Variants in ITGA3 observed in about 807,000 individuals in gnomAD.
ITGA3 encodes integrin subunit alpha 3.
Under a neutral mutation model 131.1 loss-of-function variants are expected in ITGA3, and 70 were observed. That is an observed-to-expected ratio of 0.53 (90% confidence interval 0.44 to 0.65). The LOEUF (loss-of-function observed/expected upper bound fraction) is 0.65, where lower values mean the gene tolerates loss of function less well. Among genes scored for constraint, ITGA3 ranks in the 30% least tolerant of loss-of-function variants. ITGA3 has a pLI of 0.00. For synonymous variants in ITGA3, 537 were observed against 571.6 expected (o/e 0.94, Z 0.86); for missense variants, 1,098 against 1,388.6 (o/e 0.79, Z 3.33).
chr17:50,064,459 C>T lies in ITGA3; in HGVS notation c.335-69C>T. ...GGGCCCAAGCGGGACCCACTCCTGCCCTCTGGAGACTTTGGGCACTGAAGT... is the reference window on the plus strand; with the variant it reads ...GGGCCCAAGCGGGACCCACTCCTGCTCTCTGGAGACTTTGGGCACTGAAGT... On this transcript the variant is annotated intron_variant, in intron 2 of 25. Transcript: ENST00000320031. This position sits in a 1 kb window ranked among gnomAD's most constrained non-coding sequence, Gnocchi z 4.4. 1 of 1,473,480 alleles carries T rather than the reference C, an allele frequency of 6.8e-7. No individual in the cohort carries two copies. The highest frequency in any genetic ancestry group is 1.3e-5 in the South Asian group (1 of 77,530). 91.3% of individuals were successfully genotyped at this position (1,473,480 alleles called of 1,614,324 possible).
rs749222510 is a variant in ITGA3, at chr17:50,064,252, G to A, written c.334+48G>A. The A allele has an allele frequency of 1.7e-5, 27 of 1,571,074 alleles. No individual in the cohort carries two copies. In the East Asian group the frequency reaches 4.4e-4, roughly 26 times the overall value. ...GGGTGCTGGGTCAGAGGTCTGGCAG[G>A]GGGGTACCGCAGAGAGAATGGCCTG... On this transcript the variant is annotated intron_variant, in intron 2 of 25. Transcript: ENST00000320031. The surrounding 1 kb of genome is among the most constrained non-coding windows in gnomAD (Gnocchi z 4.4).
intron 4 of ITGA3, among the ~76,000 whole-genome samples, chr17:50,068,571 G>A (rs1908446885): frequency 6.6e-6 from 1 of 151,916 alleles, no homozygotes; most frequent in Non-Finnish European, 1.5e-5. Flanking sequence ...CACATTCATG[G>A]CTCACTGCAG....
At position 50,081,425 on chromosome 17, in the gene ITGA3, A is replaced by G. The variant is rs914998926; in HGVS notation, c.2919+17A>G. 68 of 1,537,046 alleles carry G rather than the reference A, an allele frequency of 4.4e-5. No individual in the cohort carries two copies. The highest frequency in any genetic ancestry group is 5.8e-5 in the Non-Finnish European group (65 of 1,128,764). ...ACCACGTGGGTGAGTGCGCATGTTC[A>G]CTAGGACAGCAGTCTCCAGCCAGAG... On this transcript the variant is annotated intron_variant, in intron 23 of 25. Coordinates refer to ENST00000320031, the MANE Select transcript of ITGA3 (RefSeq NM_002204.4).
Position 50,079,471 on chromosome 17 carries a change from C to G in ITGA3, c.2620C>G (p.Arg874Gly). Reference protein sequence around the residue: ...GDRPSSPQRRRRQLDPGGGQG... With the variant: ...GDRPSSPQRRGRQLDPGGGQG... ...CAGGCCATCATCCCCACAGCGCAGG[C>G]GGCGACAGCTGGATCCAGGGGGAGG... Residue 874 changes from arginine (R) to glycine (G), a missense_variant, in exon 21 of 26, where the codon CGG (arginine) becomes GGG (glycine). Arg to Gly is a moderately radical substitution (Grantham distance 125). Coordinates refer to ENST00000320031, the MANE Select transcript of ITGA3 (RefSeq NM_002204.4). 1 of 1,577,616 alleles carries G rather than the reference C, an allele frequency of 6.3e-7. No homozygotes were observed. Among genetic ancestry groups the G allele is most frequent in the Non-Finnish European group, 8.6e-7 (1 of 1,163,146 alleles).
intron 23 of ITGA3, among the ~76,000 whole-genome samples, chr17:50,082,432 C>A (rs991177728): frequency 6.6e-6 from 1 of 152,136 alleles, no homozygotes; most frequent in African/African-American, 2.4e-5. Flanking sequence ...CTGCCTCGGC[C>A]TCCCAAAGTG....
chr17:50,085,572 G>C (rs1025916237), intron 23 of ITGA3, among the ~76,000 whole-genome samples: 18 of 151,742 alleles, frequency 1.2e-4, no homozygotes, highest in African/African-American at 3.6e-4. Context: ...GCTGAGGCAG[G>C]AGAATTGCTT....
intron 23 of ITGA3, among the ~76,000 whole-genome samples, chr17:50,081,687 C>T (rs907196598): frequency 3.3e-5 from 5 of 152,186 alleles, no homozygotes; most frequent in Non-Finnish European, 7.3e-5. Context: ...TTGATCTGCA[C>T]AACGCCTCCA....
intron 13 of ITGA3, 48 bp from the exon 14 acceptor site, chr17:50,076,536 G>A (rs1466488229): frequency 6.2e-7 from 1 of 1,602,046 alleles, no homozygotes; most frequent in South Asian, 1.1e-5. Context: ...GGGGCGAGAG[G>A]GCACTGGGGG....
chr17:50,078,263 C>T lies in ITGA3; in HGVS notation c.2276C>T (p.Thr759Ile). The change falls in exon 18 of 26, where the codon ACA becomes ATA. Residue 759 changes from threonine to isoleucine, a missense_variant. Transcript: ENST00000320031. ...PMILTLLVDY[T>I]LQTSLSMVNH... is the part of the protein sequence containing the mutation. ...ATCCTCACTCTGCTGGTGGACTATA[C>T]ACTCCAGACCTCGCTTAGCATGTGG... The T allele has an allele frequency of 6.2e-7, 1 of 1,613,904 alleles. No individual in the cohort carries two copies. Among genetic ancestry groups the T allele is most frequent in the Non-Finnish European group, 8.5e-7 (1 of 1,179,854 alleles).
chr17:50,075,284 G>A (rs920386872), intron 10 of ITGA3, among the ~76,000 whole-genome samples, 175 bp from the exon 11 acceptor site: 1 of 152,196 alleles, frequency 6.6e-6, no homozygotes, highest in Non-Finnish European at 1.5e-5. Flanking sequence ...GCTTTAAGGG[G>A]AGTGGAAGGG....
chr17:50,057,041 A>G (rs903201194), intron 1 of ITGA3, among the ~76,000 whole-genome samples: 2 of 152,136 alleles, frequency 1.3e-5, no homozygotes, highest in Admixed American at 6.5e-5. Context: ...CGCTTGGGGG[A>G]AAAATGAGCA....
intron 6 of ITGA3, 126 bp from the exon 7 acceptor site, chr17:50,071,860 T>C: frequency 1.3e-6 from 1 of 788,962 alleles, no homozygotes; most frequent in Non-Finnish European, 2.0e-6. Flanking sequence ...TTCCCACCCA[T>C]GACCTGTGGC....
intron 25 of ITGA3, 131 bp downstream of exon 25, chr17:50,088,497 A>G: frequency 1.7e-6 from 1 of 585,170 alleles, no homozygotes; most frequent in Non-Finnish European, 3.1e-6. Flanking sequence ...CCCAAAGATC[A>G]GGTCACTCTG....
At chr17:50,062,610 A>T (rs1221724893) in intron 1 of ITGA3, among the ~76,000 whole-genome samples, 1 of 151,950 alleles carries the variant, frequency 6.6e-6, no homozygotes, top group African/African-American at 2.4e-5. Flanking sequence ...CCTTCCCAGC[A>T]CCCGCAGGCA....
rs367699203 is a variant in ITGA3, at chr17:50,087,729, C to T, written c.2920-15C>T. The T allele has an allele frequency of 5.6e-6, 9 of 1,607,840 alleles. No individual in the cohort carries two copies. The highest frequency in any genetic ancestry group is 1.7e-4 in the Middle Eastern group (1 of 5,942). On this transcript the variant is annotated splice_polypyrimidine_tract_variant and intron_variant, in intron 23 of 25. Transcript: ENST00000320031. Reference sequence around the variant, plus strand: ...CAGGCTGACACAGGGCTGAGTCCTCCTCTCCCCGCTCCAGTTCTCTGTGGA... The same window carrying T: ...CAGGCTGACACAGGGCTGAGTCCTCTTCTCCCCGCTCCAGTTCTCTGTGGA...
chr17:50,077,246 T>G (rs761214392), intron 15 of ITGA3, 125 bp downstream of exon 15: 115 of 1,303,508 alleles, frequency 8.8e-5, no homozygotes, highest in Non-Finnish European at 1.1e-4. Context: ...TGGGCCTTCT[T>G]GGGGGCCTTA....
intron 21 of ITGA3, 30 bp from the exon 22 acceptor site, chr17:50,080,232 G>C: frequency 9.1e-6 from 12 of 1,315,844 alleles, no homozygotes; most frequent in Non-Finnish European, 1.3e-5. Context: ...CTCAGACTAT[G>C]TCACGTCTTG....
rs538373596 is a variant in ITGA3, at chr17:50,079,994, G to C, written c.2707-268G>C. Among the ~76,000 whole-genome samples, 3 of 152,318 alleles carry C rather than the reference G, an allele frequency of 2.0e-5. No homozygotes were observed. The South Asian group carries it at 6.2e-4, about 32-fold the overall frequency. ...GGGCAGGGAGCTGGCTGGGAAGCAG[G>C]TGTAGGCGGTTGGGCCCTGTTTACA... On this transcript the variant is annotated intron_variant, in intron 21 of 25. Coordinates refer to ENST00000320031, the MANE Select transcript of ITGA3 (RefSeq NM_002204.4).
chr17:50,076,510 G>C, intron 13 of ITGA3, 35 bp downstream of exon 13: 1 of 1,607,498 alleles, frequency 6.2e-7, no homozygotes, highest in South Asian at 1.1e-5. Context: ...GGAAGACCAG[G>C]GGCCAGAAGG....
Sources: gnomAD v4.1 joint callset for allele counts (sites outside exome capture counted in the v4.1 genomes callset) on GRCh38, gnomAD v4.1.1 for gene constraint, Gnocchi (gnomAD v3.1) non-coding constraint, MANE v1.5 for transcripts, NCBI Gene and HGNC (gene_info 2026-07-23, HGNC 2026-07-21) for gene names.